Variants in LEKR1 observed in about 807,000 individuals in gnomAD.
The protein encoded by LEKR1 is leucine, glutamate and lysine rich 1.
A neutral mutation model predicts 72.4 loss-of-function variants in LEKR1; 59 were observed. The observed-to-expected ratio is 0.82, with a 90% CI of 0.66 to 1.01. The LOEUF (loss-of-function observed/expected upper bound fraction) is 1.01. Among genes scored for constraint, LEKR1 ranks in the 50% least tolerant of loss-of-function variants. The probability of loss-of-function intolerance (pLI) is 0.00; values close to 1 mark genes in which losing one functional copy is unlikely to be tolerated. For synonymous variants in LEKR1, 257 were observed against 263.2 expected (o/e 0.98, Z 0.23); for missense variants, 728 against 759.2 (o/e 0.96, Z 0.48).
intron 4 of LEKR1, among the ~76,000 whole-genome samples, chr3:156,924,200 C>T (rs1724494663): frequency 1.3e-5 from 2 of 152,078 alleles, no homozygotes; most frequent in African/African-American, 4.8e-5. Flanking sequence ...CTCATTGTAG[C>T]TTTGATTTGT....
intron 9 of LEKR1, among the ~76,000 whole-genome samples, chr3:156,995,024 A>C (rs1008654030): frequency 2.0e-5 from 3 of 152,232 alleles, no homozygotes; most frequent in African/African-American, 7.2e-5. Context: ...GAATACACTG[A>C]ATATTTGAAA....
At chr3:156,899,635 C>T (rs1378357711) in intron 3 of LEKR1, among the ~76,000 whole-genome samples, 16 of 95,200 alleles carry the variant, frequency 1.7e-4, no homozygotes, top group African/African-American at 7.1e-4. Flanking sequence ...CATATATACA[C>T]GCATATATAC....
At chr3:156,898,115 T>A (rs1481030678) in intron 3 of LEKR1, among the ~76,000 whole-genome samples, 1 of 152,090 alleles carries the variant, frequency 6.6e-6, no homozygotes, top group Non-Finnish European at 1.5e-5. Context: ...GGAAAAAAAA[T>A]ATCTAGCTAT....
chr3:157,014,262 C>T (rs1733132495), intron 10 of LEKR1, among the ~76,000 whole-genome samples: 1 of 151,976 alleles, frequency 6.6e-6, no homozygotes, highest in Non-Finnish European at 1.5e-5. Context: ...AGACATCACA[C>T]TTAAGAACGT....
intron 6 of LEKR1, among the ~76,000 whole-genome samples, chr3:156,960,803 A>T (rs1442563247): frequency 1.3e-5 from 2 of 152,190 alleles, no homozygotes; most frequent in African/African-American, 2.4e-5. Context: ...TGATTTTTTC[A>T]TAGAAAAGCC....
At chr3:156,854,273 A>G (rs953369045) in intron 3 of LEKR1, among the ~76,000 whole-genome samples, 1 of 149,752 alleles carries the variant, frequency 6.7e-6, no homozygotes, top group African/African-American at 2.5e-5. Context: ...CCTCACAAGT[A>G]GCTGGGATTA....
chr3:156,847,651 T>G (rs1430627591), intron 2 of LEKR1, among the ~76,000 whole-genome samples: 1 of 152,206 alleles, frequency 6.6e-6, no homozygotes, highest in Non-Finnish European at 1.5e-5. Context: ...TCTATAGCAG[T>G]TTTGGTTACA....
intron 2 of LEKR1, among the ~76,000 whole-genome samples, chr3:156,831,258 G>T (rs1019388573): frequency 6.6e-6 from 1 of 152,106 alleles, no homozygotes; most frequent in Non-Finnish European, 1.5e-5. Flanking sequence ...AAGGCCAATT[G>T]TAGGTTCTAC....
intron 10 of LEKR1, among the ~76,000 whole-genome samples, chr3:157,021,463 G>A (rs1733831967): frequency 6.6e-6 from 1 of 152,084 alleles, no homozygotes; most frequent in South Asian, 2.1e-4. Flanking sequence ...TGTATAAGGT[G>A]TAAGGAAGGG....
intron 3 of LEKR1, among the ~76,000 whole-genome samples, chr3:156,856,724 A>G (rs534740055): frequency 1.3e-5 from 2 of 151,926 alleles, no homozygotes; most frequent in Non-Finnish European, 2.9e-5. Flanking sequence ...ATTTTTTTGA[A>G]TGCTATTTAT....
Position 157,011,521 on chromosome 3 carries a change from G to A in LEKR1, c.1203+15G>A. 1 of 1,540,408 alleles carries A rather than the reference G, an allele frequency of 6.5e-7. No individual in the cohort carries two copies. Among genetic ancestry groups the A allele is most frequent in the Non-Finnish European group, 9.0e-7 (1 of 1,113,124 alleles). ...GGAAGGAGAAGGTAATGGTAGTGTG[G>A]CTTTCATCAGCATGCAACCTATTTG... On this transcript the variant is annotated intron_variant, in intron 10 of 12. Coordinates refer to ENST00000356539, the MANE Select transcript of LEKR1 (RefSeq NM_001004316.3).
chr3:156,838,857 G>T (rs931932506), intron 2 of LEKR1, among the ~76,000 whole-genome samples: 18 of 152,212 alleles, frequency 1.2e-4, no homozygotes, highest in Non-Finnish European at 2.1e-4. Context: ...TAGCCCGATG[G>T]GTTCTTCCTC....
chr3:156,832,617 C>T (rs1333949868), intron 2 of LEKR1, among the ~76,000 whole-genome samples: 1 of 152,162 alleles, frequency 6.6e-6, no homozygotes, highest in African/African-American at 2.4e-5. Context: ...AAGTCTCTAG[C>T]CCAGCCAAGG....
intron 3 of LEKR1, among the ~76,000 whole-genome samples, chr3:156,863,798 A>T (rs912086410): frequency 1.3e-5 from 2 of 152,072 alleles, no homozygotes; most frequent in African/African-American, 4.8e-5. Context: ...AAGTTATGGT[A>T]GAGTGAAGAG....
chr3:156,897,409 G>A (rs1721305683), intron 3 of LEKR1, among the ~76,000 whole-genome samples: 2 of 152,020 alleles, frequency 1.3e-5, no homozygotes, highest in South Asian at 4.1e-4. Context: ...GAGGTCCTGA[G>A]AACATGTGCT....
chr3:156,829,937 G>T (rs764370427), intron 2 of LEKR1, among the ~76,000 whole-genome samples: 34 of 152,102 alleles, frequency 2.2e-4, no homozygotes, highest in Non-Finnish European at 5.0e-4. Context: ...TGTCATGAAT[G>T]CATAAAATGT....
intron 3 of LEKR1, among the ~76,000 whole-genome samples, chr3:156,907,268 A>C (rs73873745): frequency 6.6e-6 from 1 of 152,044 alleles, no homozygotes; most frequent in Admixed American, 6.6e-5. Flanking sequence ...TAAAGTTTTA[A>C]AGACATATAT....
chr3:156,910,413 A>G (rs969777084), intron 3 of LEKR1, among the ~76,000 whole-genome samples: 6 of 152,136 alleles, frequency 3.9e-5, no homozygotes, highest in African/African-American at 1.2e-4. Flanking sequence ...TGCTTAGGAT[A>G]ATGGTTTCCA....
At chr3:156,865,422 A>T (rs1717195149) in intron 3 of LEKR1, among the ~76,000 whole-genome samples, 1 of 152,082 alleles carries the variant, frequency 6.6e-6, no homozygotes, top group African/African-American at 2.4e-5. Flanking sequence ...TTAATAAAAC[A>T]TATGAATGGC....
Sources: gnomAD v4.1 joint callset for allele counts (sites outside exome capture counted in the v4.1 genomes callset) on GRCh38, gnomAD v4.1.1 for gene constraint, MANE v1.5 for transcripts, NCBI Gene and HGNC (gene_info 2026-07-23, HGNC 2026-07-21) for gene names.